PLCB1: variants seen among roughly 807,000 people sequenced by gnomAD.
PLCB1 encodes the protein 1-phosphatidylinositol 4,5-bisphosphate phosphodiesterase beta-1.
In PLCB1, 46 loss-of-function variants were observed where a neutral mutation model predicts 161.8. That is an observed-to-expected ratio of 0.28 (90% CI 0.22 to 0.36). The LOEUF (loss-of-function observed/expected upper bound fraction) is 0.36. Ranked by LOEUF, PLCB1 falls within the 10% of genes least tolerant of loss-of-function variation. The probability of loss-of-function intolerance (pLI) is 1.00; values close to 1 mark genes in which losing one functional copy is unlikely to be tolerated. For missense variants in PLCB1, 1,016 were observed against 1,472.5 expected (o/e 0.69, Z 5.07); for synonymous variants, 517 against 503.7 (o/e 1.03, Z -0.35).
At chr20:8,501,454 G>A (rs559154090) in intron 3 of PLCB1, among the ~76,000 whole-genome samples, 271 of 152,286 alleles carry the variant, frequency 1.8e-3, no homozygotes, top group Middle Eastern at 3.4e-3. Flanking sequence ...CCAAGGCAGC[G>A]GGTCCAATCC....
At chr20:8,679,187 A>G (rs945240453) in intron 9 of PLCB1, among the ~76,000 whole-genome samples, 1 of 152,184 alleles carries the variant, frequency 6.6e-6, no homozygotes, top group African/African-American at 2.4e-5. Context: ...CTGTTGCTGG[A>G]GAAATATGAA....
chr20:8,749,123 T>C (rs915921406), intron 23 of PLCB1, among the ~76,000 whole-genome samples: 1 of 152,188 alleles, frequency 6.6e-6, no homozygotes, highest in Non-Finnish European at 1.5e-5. Context: ...AACTTTAGCA[T>C]GTACCAGAAT....
chr20:8,518,153 G>A (rs1302464907), intron 3 of PLCB1, among the ~76,000 whole-genome samples: 1 of 151,874 alleles, frequency 6.6e-6, no homozygotes, highest in African/African-American at 2.4e-5. Flanking sequence ...CTGCACACCA[G>A]CCTGGTGACA....
intron 2 of PLCB1, among the ~76,000 whole-genome samples, chr20:8,230,954 T>G (rs1225255723): frequency 1.3e-5 from 2 of 152,124 alleles, no homozygotes; most frequent in Non-Finnish European, 2.9e-5. Context: ...TTACGTAATT[T>G]AGTTCCTATG....
intron 3 of PLCB1, among the ~76,000 whole-genome samples, chr20:8,506,088 A>G (rs1343638966): frequency 6.6e-6 from 1 of 152,180 alleles, no homozygotes; most frequent in Non-Finnish European, 1.5e-5. Flanking sequence ...TCTTACTCAG[A>G]TGCTGTTCTT....
At chr20:8,321,347 C>T (rs562229085) in intron 2 of PLCB1, among the ~76,000 whole-genome samples, 1 of 152,270 alleles carries the variant, frequency 6.6e-6, no homozygotes, top group East Asian at 1.9e-4. Context: ...ATTCATCATA[C>T]CTCTTATTGT....
At chr20:8,415,971 A>G (rs1052928129) in intron 3 of PLCB1, among the ~76,000 whole-genome samples, 3 of 152,184 alleles carry the variant, frequency 2.0e-5, no homozygotes, top group African/African-American at 7.2e-5. Context: ...CCCTGCTCTC[A>G]TGCCAGTATT....
chr20:8,135,003 G>A (rs1407219829), intron 1 of PLCB1, among the ~76,000 whole-genome samples: 1 of 152,054 alleles, frequency 6.6e-6, no homozygotes, highest in Non-Finnish European at 1.5e-5. Context: ...CTTTCTTAAG[G>A]TTGCCTTTCT....
At chr20:8,628,226 G>A in intron 3 of PLCB1, 68 bp from the exon 4 acceptor site, 2 of 1,210,358 alleles carry the variant, frequency 1.7e-6, no homozygotes, top group Middle Eastern at 1.9e-4. Flanking sequence ...CTCAACAGAA[G>A]TTGAAGTTAT....
At position 8,199,925 on chromosome 20, in the gene PLCB1, C is replaced by T. The variant is rs189399451; in HGVS notation, c.177+49554C>T. ...CTAAGTCGATTCTACAGTGAGCATA[C>T]TTAGGCACAGAGAGGTTGAATATAC... is the stretch of plus-strand genomic sequence containing the variant. On this transcript the variant is annotated intron_variant, in intron 2 of 31. Transcript: ENST00000338037. Among the ~76,000 whole-genome samples, 8 of 152,192 alleles carry T rather than the reference C, an allele frequency of 5.3e-5. No homozygotes were observed. In the East Asian group the frequency reaches 1.4e-3, roughly 26 times the overall value.
At chr20:8,540,647 T>A (rs1281214108) in intron 3 of PLCB1, among the ~76,000 whole-genome samples, 3 of 152,098 alleles carry the variant, frequency 2.0e-5, no homozygotes, top group Non-Finnish European at 4.4e-5. Context: ...TCCTTTAAAA[T>A]GTTTCCAAAC....
Position 8,500,325 on chromosome 20 carries a change from A to G in PLCB1, c.247-127969A>G, listed in dbSNP as rs573124358. Among the ~76,000 whole-genome samples the G allele has an allele frequency of 3.9e-5, 6 of 152,316 alleles. 1 individual carries two copies. The East Asian group carries it at 1.2e-3, about 29-fold the overall frequency. Reference sequence around the variant, plus strand: ...TGAGAATTCAAATATTTTACAGCCAATACCACATACATTTACATTCGGATT... The same window carrying G: ...TGAGAATTCAAATATTTTACAGCCAGTACCACATACATTTACATTCGGATT... On this transcript the variant is annotated intron_variant, in intron 3 of 31. Coordinates refer to ENST00000338037, the MANE Select transcript of PLCB1 (RefSeq NM_015192.4).
At chr20:8,370,462 C>T (rs1986870359) in intron 2 of PLCB1, among the ~76,000 whole-genome samples, 1 of 152,182 alleles carries the variant, frequency 6.6e-6, no homozygotes, top group South Asian at 2.1e-4. Context: ...CTGGATGCTT[C>T]TCTATCCTTC....
intron 21 of PLCB1, among the ~76,000 whole-genome samples, 154 bp downstream of exon 21, chr20:8,739,514 A>G (rs955584539): frequency 1.4e-4 from 22 of 152,242 alleles, no homozygotes; most frequent in African/African-American, 5.3e-4. Context: ...TGTTTTTGTG[A>G]CATGTTGTAG....
intron 2 of PLCB1, among the ~76,000 whole-genome samples, chr20:8,332,510 C>G (rs915264416): frequency 6.6e-6 from 1 of 152,200 alleles, no homozygotes; most frequent in Non-Finnish European, 1.5e-5. Context: ...ATTTTAAGTG[C>G]TTTCCATGTT....
chr20:8,302,556 T>A (rs1261828153), intron 2 of PLCB1, among the ~76,000 whole-genome samples: 6 of 152,234 alleles, frequency 3.9e-5, no homozygotes, highest in Admixed American at 3.9e-4. Context: ...ACTTTGGCTT[T>A]CAATTAGAAA....
chr20:8,181,795 G>GAAGACCCT (rs77095507), intron 2 of PLCB1, among the ~76,000 whole-genome samples: 47,452 of 151,726 alleles, frequency 0.31, 9,582 homozygotes, highest in African/African-American at 0.58. Flanking sequence ...AGCCACAAAG[G>GAAGACCCT]ATGTCTACAA....
intron 27 of PLCB1, among the ~76,000 whole-genome samples, chr20:8,783,737 G>C (rs958979536): frequency 6.6e-6 from 1 of 152,124 alleles, no homozygotes; most frequent in Non-Finnish European, 1.5e-5. Flanking sequence ...AGCAAGACAG[G>C]CTTCCCCTTG....
At chr20:8,849,119 A>G (rs1986796824) in intron 31 of PLCB1, among the ~76,000 whole-genome samples, 1 of 152,218 alleles carries the variant, frequency 6.6e-6, no homozygotes, top group African/African-American at 2.4e-5. Context: ...TCTTTCTGCT[A>G]AAATGCTATA....
Sources: gnomAD v4.1 joint callset for allele counts (sites outside exome capture counted in the v4.1 genomes callset) on GRCh38, gnomAD v4.1.1 for gene constraint, MANE v1.5 for transcripts, NCBI Gene and HGNC (gene_info 2026-07-23, HGNC 2026-07-21) for gene names.